The following SHANK2 variants were observed in gnomAD, a reference collection of about 807,000 sequenced individuals.
SHANK2 encodes SH3 and multiple ankyrin repeat domains 2.
A neutral mutation model predicts 133.7 loss-of-function variants in SHANK2; 43 were observed. That is an observed-to-expected ratio of 0.32 (90% CI 0.25 to 0.41). The LOEUF is 0.41. SHANK2 is among the 10% of genes least tolerant of loss of function. SHANK2 has a pLI of 1.00. For missense variants in SHANK2, 1,994 were observed against 2,235.8 expected, an observed-to-expected ratio of 0.89 and a Z score of 2.18; for synonymous variants, 1,017 against 952.8, an observed-to-expected ratio of 1.07 and a Z score of -1.24.
intron 10 of SHANK2, among the ~76,000 whole-genome samples, chr11:70,941,281 T>C (rs1487017820): frequency 2.0e-5 from 3 of 152,104 alleles, no homozygotes; most frequent in Non-Finnish European, 4.4e-5. Context: ...CTCCACACAC[T>C]GCACAAAAAT....
intron 15 of SHANK2, among the ~76,000 whole-genome samples, chr11:70,678,204 T>A (rs1555017645): frequency 6.6e-6 from 1 of 152,224 alleles, no homozygotes; most frequent in Non-Finnish European, 1.5e-5. Context: ...TGGAGTGCAG[T>A]GGCACGATCT....
At chr11:70,821,224 G>A (rs1555055883) in intron 11 of SHANK2, among the ~76,000 whole-genome samples, 2 of 151,874 alleles carry the variant, frequency 1.3e-5, no homozygotes, top group African/African-American at 4.9e-5. Context: ...TGGGGGCCCT[G>A]ATCCCATAGG....
rs2058628281 is a variant in SHANK2 at position 70,473,784 on chromosome 11, G to A, written c.4980-345C>T. On this transcript the variant is annotated intron_variant, in intron 25 of 25. Coordinates refer to ENST00000601538, the MANE Select transcript of SHANK2 (RefSeq NM_012309.5). This position sits in a 1 kb window ranked among gnomAD's most constrained non-coding sequence, Gnocchi z 5.9. Reference sequence around the variant, plus strand: ...GGGACCTGCCTGTGCTGGGGGGCAGGGCCGGGGGACCCTCGGGAGGGTGGC... The same window carrying A: ...GGGACCTGCCTGTGCTGGGGGGCAGAGCCGGGGGACCCTCGGGAGGGTGGC... 2 of 380,952 alleles carry A rather than the reference G, an allele frequency of 5.3e-6. No homozygotes were observed. Among genetic ancestry groups the A allele is most frequent in the African/African-American group, 4.2e-5 (2 of 48,108 alleles). The allele number at this position is 380,952 out of a possible 1,614,324, so 23.6% of individuals were successfully genotyped here. A position where few individuals can be genotyped will look rare whatever the true frequency, so the allele number is the denominator to read the frequency against.
chr11:70,626,735 C>T (rs1555000095), intron 17 of SHANK2, among the ~76,000 whole-genome samples: 1 of 152,218 alleles, frequency 6.6e-6, no homozygotes, highest in Non-Finnish European at 1.5e-5. Context: ...CTTGTAGCAG[C>T]CCTGAAAGGT....
chr11:70,501,899 TG>T, intron 20 of SHANK2, 23 bp downstream of exon 20: 1 of 1,559,064 alleles, frequency 6.4e-7, no homozygotes, highest in Non-Finnish European at 8.7e-7. Context: ...GGAGCTGCTT[TG>T]GGGACCCAGT....
chr11:70,565,862 C>T (rs112694285), intron 17 of SHANK2, among the ~76,000 whole-genome samples: 8 of 152,136 alleles, frequency 5.3e-5, no homozygotes, highest in African/African-American at 1.7e-4. Flanking sequence ...TTTCAAGTTC[C>T]TTTTCTAATG....
At chr11:70,749,050 T>C (rs1373038574) in intron 14 of SHANK2, among the ~76,000 whole-genome samples, 3 of 152,244 alleles carry the variant, frequency 2.0e-5, no homozygotes, top group East Asian at 3.8e-4. Context: ...AGCAGTCAGA[T>C]GGGCTCAGGT....
chr11:71,140,711 G>A (rs1175902909), intron 3 of SHANK2, among the ~76,000 whole-genome samples: 4 of 152,244 alleles, frequency 2.6e-5, no homozygotes, highest in African/African-American at 9.6e-5. Context: ...CACAAGTGGT[G>A]TTTGTTCCCG....
intron 15 of SHANK2, among the ~76,000 whole-genome samples, chr11:70,677,912 A>G (rs1416868685): frequency 1.3e-5 from 2 of 152,192 alleles, no homozygotes; most frequent in East Asian, 3.8e-4. Flanking sequence ...TTCTTTTTGC[A>G]GAAGGTTCCA....
intron 17 of SHANK2, among the ~76,000 whole-genome samples, chr11:70,559,308 T>C (rs1260033002): frequency 2.6e-5 from 4 of 152,146 alleles, no homozygotes; most frequent in South Asian, 2.1e-4. Context: ...GCGTGAGCCA[T>C]CACACCCGGC....
chr11:71,156,830 A>C (rs1952915412), intron 2 of SHANK2, among the ~76,000 whole-genome samples: 1 of 152,146 alleles, frequency 6.6e-6, no homozygotes, highest in South Asian at 2.1e-4. Context: ...TGGGGCTCAT[A>C]AACAATCTCC....
intron 11 of SHANK2, among the ~76,000 whole-genome samples, chr11:70,828,962 G>A (rs886386729): frequency 1.3e-5 from 2 of 152,248 alleles, no homozygotes; most frequent in Non-Finnish European, 2.9e-5. Flanking sequence ...TGCCTCTGCG[G>A]CCTGCCATGG....
intron 14 of SHANK2, among the ~76,000 whole-genome samples, chr11:70,729,003 G>A (rs947430705): frequency 1.3e-5 from 2 of 151,994 alleles, no homozygotes; most frequent in Admixed American, 6.5e-5. Context: ...TCAGGAGTTC[G>A]AGACCAGCCT....
At chr11:71,244,003 C>T (rs1478298767) in intron 1 of SHANK2, among the ~76,000 whole-genome samples, 1 of 152,198 alleles carries the variant, frequency 6.6e-6, no homozygotes, top group African/African-American at 2.4e-5. Flanking sequence ...CAATGCTTCC[C>T]AAGTCATCTT....
chr11:70,859,984 C>T (rs1949232655), intron 11 of SHANK2, among the ~76,000 whole-genome samples: 1 of 152,190 alleles, frequency 6.6e-6, no homozygotes, highest in South Asian at 2.1e-4. Context: ...AACAACCCCA[C>T]AGCGCCCAGG....
intron 3 of SHANK2, among the ~76,000 whole-genome samples, chr11:71,142,224 C>T (rs1448332655): frequency 9.2e-5 from 14 of 152,162 alleles, no homozygotes; most frequent in Non-Finnish European, 1.5e-4. Flanking sequence ...GCAGGCCGGG[C>T]GCGGTGGCTC....
chr11:71,123,972 G>A (rs1178879364), intron 3 of SHANK2, among the ~76,000 whole-genome samples: 2 of 151,988 alleles, frequency 1.3e-5, no homozygotes, highest in African/African-American at 4.8e-5. Context: ...CTACAGGGAG[G>A]GGATGATGAT....
At chr11:70,696,074 T>G (rs1945385553) in intron 15 of SHANK2, among the ~76,000 whole-genome samples, 1 of 152,214 alleles carries the variant, frequency 6.6e-6, no homozygotes, top group African/African-American at 2.4e-5. Flanking sequence ...AAAACAGGGA[T>G]GCAGAGTTGG....
intron 11 of SHANK2, among the ~76,000 whole-genome samples, chr11:70,856,051 G>A (rs1949165418): frequency 6.6e-6 from 1 of 151,504 alleles, no homozygotes. Flanking sequence ...AAATGAACAG[G>A]TGAGTGAATG....
Sources: allele counts gnomAD v4.1 joint callset (sites outside exome capture counted in the v4.1 genomes callset), GRCh38; gene constraint gnomAD v4.1.1; non-coding constraint Gnocchi (gnomAD v3.1); transcripts MANE v1.5; gene names NCBI Gene and HGNC (gene_info 2026-07-23, HGNC 2026-07-21).